Variants in LRRC7 observed in about 807,000 individuals in gnomAD.
LRRC7 encodes the protein leucine rich repeat containing 7, also known as leucine-rich repeat-containing protein 7.
A neutral mutation model predicts 175.7 loss-of-function variants in LRRC7; 23 were observed. The observed-to-expected ratio is 0.13, with a 90% CI of 0.09 to 0.19. The LOEUF (loss-of-function observed/expected upper bound fraction) is 0.19, where lower values mean the gene tolerates loss of function less well. Among genes scored for constraint, LRRC7 ranks in the 10% least tolerant of loss-of-function variants. The probability of loss-of-function intolerance (pLI) is 1.00; values close to 1 mark genes in which losing one functional copy is unlikely to be tolerated. For synonymous variants in LRRC7, 685 were observed against 680.9 expected, an observed-to-expected ratio of 1.01 and a Z score of -0.09; for missense variants, 1,354 against 1,904.7, an observed-to-expected ratio of 0.71 and a Z score of 5.38.
intron 7 of LRRC7, among the ~76,000 whole-genome samples, chr1:69,868,953 T>A (rs1223544405): frequency 6.6e-6 from 1 of 151,742 alleles, no homozygotes; most frequent in Non-Finnish European, 1.5e-5. Flanking sequence ...ATCTCCTGTT[T>A]GTATAAAGAT....
Position 69,931,576 on chromosome 1 carries a change from CA to C in LRRC7, c.711+9del, listed in dbSNP as rs775421512. 3.7e-6 allele frequency: 6 copies of C among 1,611,504 alleles called. No homozygotes were observed. In the Admixed American group the frequency reaches 1.0e-4, roughly 27 times the overall value. ...ATAATGAATTCGGTGAGCTGGTAAG[CA>C]AATGCATTTTCTAAACCTGATAAAT... On this transcript the variant is annotated splice_region_variant and intron_variant, in intron 8 of 26. Coordinates refer to ENST00000651989, the MANE Select transcript of LRRC7 (RefSeq NM_001370785.2).
intron 5 of LRRC7, among the ~76,000 whole-genome samples, chr1:69,829,611 T>TAATG (rs35434339): frequency 0.57 from 86,179 of 151,076 alleles, 24,661 homozygotes; most frequent in East Asian, 0.7. Context: ...TATAAGCAAT[T>TAATG]AAAGTATTTA....
chr1:69,924,551 C>T (rs968616095), intron 7 of LRRC7, among the ~76,000 whole-genome samples: 89 of 152,220 alleles, frequency 5.8e-4, no homozygotes, highest in Non-Finnish European at 1.1e-3. Context: ...ATTTTATTCT[C>T]CTTGAAGCAA....
At chr1:69,991,203 C>G in intron 10 of LRRC7, among the ~76,000 whole-genome samples, 1 of 149,618 alleles carries the variant, frequency 6.7e-6, no homozygotes, top group East Asian at 1.9e-4. Context: ...TTATTATTAA[C>G]ATGATATAAT....
chr1:69,902,463 C>A (rs890119614), intron 7 of LRRC7, among the ~76,000 whole-genome samples: 2 of 151,988 alleles, frequency 1.3e-5, no homozygotes, highest in African/African-American at 2.4e-5. Context: ...CCCGGCTACT[C>A]AAGAGACTGA....
chr1:70,109,114 C>T (rs950382089), intron 26 of LRRC7, among the ~76,000 whole-genome samples: 7 of 152,086 alleles, frequency 4.6e-5, no homozygotes, highest in South Asian at 2.1e-4. Flanking sequence ...CTCCACCTCC[C>T]GGGTTCAAGC....
intron 2 of LRRC7, among the ~76,000 whole-genome samples, chr1:69,712,256 A>G (rs144730139): frequency 2.2e-5 from 3 of 137,666 alleles, no homozygotes; most frequent in African/African-American, 8.1e-5. Flanking sequence ...ACACACACAC[A>G]CACACGTGCA....
intron 7 of LRRC7, among the ~76,000 whole-genome samples, chr1:69,863,549 G>A (rs752006220): frequency 2.6e-5 from 4 of 152,090 alleles, no homozygotes; most frequent in Non-Finnish European, 4.4e-5. Context: ...TCTATGCCCC[G>A]CATTGTGTTA....
chr1:69,856,417 A>T (rs929875033), intron 7 of LRRC7, among the ~76,000 whole-genome samples: 1 of 152,188 alleles, frequency 6.6e-6, no homozygotes, highest in African/African-American at 2.4e-5. Flanking sequence ...GCAATAAAAA[A>T]TGATAAAGGA....
Position 70,036,560 on chromosome 1 carries a change from G to A in LRRC7, c.2224G>A (p.Val742Ile). The A allele has an allele frequency of 6.2e-7, 1 of 1,614,080 alleles. No homozygotes were observed. Among genetic ancestry groups the A allele is most frequent in the Non-Finnish European group, 8.5e-7 (1 of 1,179,954 alleles). ...QASSGSSNTR[V>I]KVGSLQTTAK... is the part of the protein sequence containing the mutation. ...TTCCTCAGGATCCTCTAATACCCGG[G>A]TTAAAGTGGGGTCCTTGCAGACAAC... The change falls in exon 20 of 27, where the codon GTT (valine) becomes ATT (isoleucine). Residue 742 changes from valine to isoleucine, a missense_variant. Val to Ile is a conservative substitution (Grantham distance 29). Coordinates refer to ENST00000651989, the MANE Select transcript of LRRC7 (RefSeq NM_001370785.2).
intron 1 of LRRC7, among the ~76,000 whole-genome samples, chr1:69,569,397 C>A (rs1237241557): frequency 6.6e-6 from 1 of 152,006 alleles, no homozygotes; most frequent in Non-Finnish European, 1.5e-5. Flanking sequence ...CCCAATCCAG[C>A]GCTGGGTCCC....
intron 7 of LRRC7, among the ~76,000 whole-genome samples, chr1:69,879,387 G>C (rs911321958): frequency 2.0e-5 from 3 of 152,052 alleles, no homozygotes; most frequent in Admixed American, 6.5e-5. Flanking sequence ...TCTGATGAAT[G>C]AAATTGGAGT....
At chr1:69,870,598 T>C (rs1685430362) in intron 7 of LRRC7, among the ~76,000 whole-genome samples, 1 of 152,146 alleles carries the variant, frequency 6.6e-6, no homozygotes, top group Non-Finnish European at 1.5e-5. Flanking sequence ...ATAAGTTATT[T>C]CCTTTAAAGT....
intron 24 of LRRC7, among the ~76,000 whole-genome samples, chr1:70,076,550 C>T (rs537423656): frequency 6.6e-6 from 1 of 152,232 alleles, no homozygotes; most frequent in Non-Finnish European, 1.5e-5. Flanking sequence ...TTTTCCAGTA[C>T]CATCCTACAC....
At chr1:69,663,597 T>C (rs961615738) in intron 1 of LRRC7, among the ~76,000 whole-genome samples, 2 of 151,754 alleles carry the variant, frequency 1.3e-5, no homozygotes, top group Non-Finnish European at 2.9e-5. Context: ...TAATTTTTGA[T>C]ACCCATTAGC....
chr1:70,090,490 G>A (rs191815688), intron 25 of LRRC7, among the ~76,000 whole-genome samples: 7 of 152,068 alleles, frequency 4.6e-5, no homozygotes, highest in East Asian at 3.9e-4. Context: ...CCTGCCTGAC[G>A]CCGATGTGAA....
intron 7 of LRRC7, chr1:69,919,691 T>C: frequency 1.0e-6 from 1 of 973,126 alleles, no homozygotes; most frequent in African/African-American, 1.6e-5. Flanking sequence ...CGACTGCAGC[T>C]CGGCCAAGGC....
chr1:69,765,703 G>A (rs1671550709), intron 3 of LRRC7, among the ~76,000 whole-genome samples: 1 of 152,028 alleles, frequency 6.6e-6, no homozygotes, highest in South Asian at 2.1e-4. Context: ...AAGAAACTAT[G>A]CATTCATCGT....
At chr1:69,799,102 G>GTTTTTTTTTTTTTTTTTTTTTTTT in intron 4 of LRRC7, among the ~76,000 whole-genome samples, 1 of 136,148 alleles carries the variant, frequency 7.3e-6, no homozygotes, top group Admixed American at 7.2e-5. Context: ...CTGAATGCTA[G>GTTTTTTTTTTTTTTTTTTTTTTTT]TTTTTTTTTT....
Sources: gnomAD v4.1 joint callset for allele counts (sites outside exome capture counted in the v4.1 genomes callset) on GRCh38, gnomAD v4.1.1 for gene constraint, MANE v1.5 for transcripts, NCBI Gene and HGNC (gene_info 2026-07-23, HGNC 2026-07-21) for gene names.